Variants in GRIN2D observed in about 807,000 individuals in gnomAD.
GRIN2D encodes the protein glutamate receptor ionotropic, NMDA 2D.
GRIN2D carries 37 observed loss-of-function variants against 103.2 expected under a neutral mutation model. The observed-to-expected ratio is 0.36, with a 90% CI of 0.28 to 0.47. GRIN2D has a LOEUF of 0.47. Ranked by LOEUF, GRIN2D falls within the 20% of genes least tolerant of loss-of-function variation. The probability of loss-of-function intolerance (pLI) is 1.00; values close to 1 mark genes in which losing one functional copy is unlikely to be tolerated. For missense variants in GRIN2D, 1,557 were observed against 1,910.6 expected (o/e 0.81, Z 3.45); for synonymous variants, 845 against 885.6 (o/e 0.95, Z 0.81).
intron 4 of GRIN2D, among the ~76,000 whole-genome samples, chr19:48,411,267 G>A (rs1970855474): frequency 6.6e-6 from 1 of 151,862 alleles, no homozygotes; most frequent in Non-Finnish European, 1.5e-5. Flanking sequence ...AGAGGTTGCA[G>A]TGAGCCAAGA....
At position 48,414,095 on chromosome 19, in the gene GRIN2D, C is replaced by G; in HGVS notation, c.1190C>G (p.Thr397Arg). ...GTCATCTCCCTCACCAGAGACAGGA[C>G]GTGGGAGGTGGTGAGTCGTAGCCCC... is the stretch of plus-strand genomic sequence containing the variant. Reference protein sequence around the residue: ...LVVISLTRDRTWEVVGSWEQQ... With the variant: ...LVVISLTRDRRWEVVGSWEQQ... Residue 397 changes from threonine to arginine, a missense_variant, in exon 5 of 14, where the codon ACG becomes AGG. Thr to Arg is a moderately conservative substitution (Grantham distance 71, BLOSUM62 -1). Around this residue, in one of 7 missense-constraint regions of GRIN2D, gnomAD observed 490 missense variants for 601.1 expected, o/e 0.82. Coordinates refer to ENST00000263269, the MANE Select transcript of GRIN2D (RefSeq NM_000836.4). The surrounding 1 kb of genome is among the most constrained non-coding windows in gnomAD (Gnocchi z 4.6). 1 of 1,592,280 alleles carries G rather than the reference C, an allele frequency of 6.3e-7. No individual in the cohort carries two copies. Among genetic ancestry groups the G allele is most frequent in the South Asian group, 1.1e-5 (1 of 90,612 alleles).
In GRIN2D at chr19:48,402,166, A is replaced by AATAAAGAAAGAAAGAAAGAGAG. The variant is rs1555891786; in HGVS notation, c.466-2567_466-2566insTAAAGAAAGAAAGAAAGAGAGA. 2.6e-4 allele frequency among the ~76,000 whole-genome samples: 21 copies of AATAAAGAAAGAAAGAAAGAGAG among 80,086 alleles called. 1 individual carries two copies. The highest frequency in any genetic ancestry group is 9.0e-4 in the African/African-American group (20 of 22,316). The allele number at this position is 80,086 out of a possible 152,430, so 52.5% of individuals were successfully genotyped here. A position where few individuals can be genotyped will look rare whatever the true frequency, so the allele number is the denominator to read the frequency against. ...AAAGAAAGAAAGAAAGAAAGAAAGA[A>AATAAAGAAAGAAAGAAAGAGAG]AGAGAGAAAAGAAAACAGAGATGGG... On this transcript the variant is annotated intron_variant, in intron 3 of 13. Coordinates refer to ENST00000263269, the MANE Select transcript of GRIN2D (RefSeq NM_000836.4).
chr19:48,398,656 G>A lies in GRIN2D; in HGVS notation c.264G>A (p.Ala88=), dbSNP rs1478143173. 2.8e-6 allele frequency: 4 copies of A among 1,442,060 alleles called. No individual in the cohort carries two copies. The highest frequency in any genetic ancestry group is 3.6e-6 in the Non-Finnish European group (4 of 1,098,934). 89.3% of individuals were successfully genotyped at this position (1,442,060 alleles called of 1,614,324 possible). The change falls in exon 3 of 14, where the codon GCG becomes GCA. Residue 88 remains alanine, a synonymous_variant. Transcript: ENST00000263269. ...RSPGLDVRPV[A]LVLNGSDPRS... ...CGGGCCTAGACGTGCGGCCCGTGGC[G>A]CTGGTGCTCAACGGCTCGGACCCGC...
At chr19:48,422,409 G>A (rs1012010083) in intron 11 of GRIN2D, among the ~76,000 whole-genome samples, 2 of 152,004 alleles carry the variant, frequency 1.3e-5, no homozygotes, top group African/African-American at 4.8e-5. Context: ...TCAGGAGATC[G>A]AGACCATCCT....
chr19:48,405,908 G>A lies in GRIN2D; in HGVS notation c.1085+555G>A, dbSNP rs1237035245. ...CATCTCTGCATGGTCGAAGTGGGTC[G>A]TGGGGATGTCTGAATTGTAGCTCAT... On this transcript the variant is annotated intron_variant, in intron 4 of 13. Transcript: ENST00000263269. This position sits in a 1 kb window ranked among gnomAD's most constrained non-coding sequence, Gnocchi z 5.1. 1.3e-5 allele frequency among the ~76,000 whole-genome samples: 2 copies of A among 152,168 alleles called. No homozygotes were observed. Among genetic ancestry groups the A allele is most frequent in the East Asian group, 1.9e-4 (1 of 5,204 alleles).
At chr19:48,404,698 A>G (rs1414494963) in intron 3 of GRIN2D, 36 bp from the exon 4 acceptor site, 3 of 1,546,348 alleles carry the variant, frequency 1.9e-6, no homozygotes, top group East Asian at 2.3e-5. Flanking sequence ...AGGTCCCCAC[A>G]TCGGCAGGCC....
chr19:48,396,777 C>T (rs921633649), intron 2 of GRIN2D, among the ~76,000 whole-genome samples: 11 of 151,966 alleles, frequency 7.2e-5, no homozygotes, highest in Admixed American at 2.0e-4. Context: ...ACCTTTCCCC[C>T]GCCCTGGCTG....
At chr19:48,441,409 C>G (rs1452749698) in intron 11 of GRIN2D, among the ~76,000 whole-genome samples, 1 of 150,736 alleles carries the variant, frequency 6.6e-6, no homozygotes, top group Non-Finnish European at 1.5e-5. Flanking sequence ...ACAGTTAACA[C>G]TTCTCCAGCA....
In GRIN2D at chr19:48,443,485, G is replaced by A. The variant is rs1971334831; in HGVS notation, c.3559G>A (p.Glu1187Lys). 7.3e-7 allele frequency: 1 copy of A among 1,364,858 alleles called. No homozygotes were observed. Among genetic ancestry groups the A allele is most frequent in the Non-Finnish European group, 9.4e-7 (1 of 1,060,104 alleles). The allele number at this position is 1,364,858 out of a possible 1,614,324, so 84.5% of individuals were successfully genotyped here. Residue 1187 changes from glutamate (E) to lysine (K), a missense_variant, in exon 14 of 14, where the codon GAG (glutamate) becomes AAG (lysine). Around this residue, in one of 7 missense-constraint regions of GRIN2D, gnomAD observed 632 missense variants for 572.8 expected, o/e 1.10. Transcript: ENST00000263269. This position sits in a 1 kb window ranked among gnomAD's most constrained non-coding sequence, Gnocchi z 8.9. The stretch of plus-strand genomic sequence containing the variant: ...GCACTGTCGGCACTGCGCCAGCCTG[G>A]AGCTGCTGCCGCCGCCGCGCCATCT... ...AWHCRHCASL[E>K]LLPPPRHLSC...
chr19:48,441,691 C>A, intron 11 of GRIN2D, 78 bp from the exon 12 acceptor site: 3 of 1,176,090 alleles, frequency 2.6e-6, no homozygotes, highest in Non-Finnish European at 3.6e-6. Flanking sequence ...TTGGAGGTTA[C>A]AGGTGAGGAG....
chr19:48,402,430 A>C (rs2147438955), intron 3 of GRIN2D, among the ~76,000 whole-genome samples: 1 of 151,944 alleles, frequency 6.6e-6, no homozygotes, highest in Admixed American at 6.6e-5. Context: ...AAGATTCTTT[A>C]CTCCTGGCCG....
At chr19:48,422,713 A>G (rs769925377) in intron 11 of GRIN2D, among the ~76,000 whole-genome samples, 30 of 152,152 alleles carry the variant, frequency 2.0e-4, no homozygotes, top group South Asian at 6.2e-4. Flanking sequence ...TATTATCATT[A>G]TCATTAGACC....
chr19:48,419,526 T>C, intron 9 of GRIN2D, 59 bp from the exon 10 acceptor site: 1 of 1,433,048 alleles, frequency 7.0e-7, no homozygotes. Context: ...TTTTTTTTTT[T>C]TTCCCTTCCT....
chr19:48,438,341 C>T (rs950138481), intron 11 of GRIN2D, among the ~76,000 whole-genome samples: 6 of 127,924 alleles, frequency 4.7e-5, no homozygotes, highest in Admixed American at 9.8e-5. Context: ...CTCTGTCGCC[C>T]AGGCTGGAGT....
At chr19:48,424,955 C>G (rs1186753647) in intron 11 of GRIN2D, among the ~76,000 whole-genome samples, 1 of 152,094 alleles carries the variant, frequency 6.6e-6, no homozygotes, top group Non-Finnish European at 1.5e-5. Flanking sequence ...CCCCCTTCCC[C>G]CTTCTTCCGT....
intron 8 of GRIN2D, among the ~76,000 whole-genome samples, chr19:48,418,217 G>C (rs897848528): frequency 6.6e-6 from 1 of 151,714 alleles, no homozygotes; most frequent in Non-Finnish European, 1.5e-5. Flanking sequence ...ATTTTTAGTA[G>C]AGATGGGGTT....
intron 11 of GRIN2D, among the ~76,000 whole-genome samples, chr19:48,424,653 C>T (rs1270749519): frequency 6.6e-6 from 1 of 152,046 alleles, no homozygotes; most frequent in Admixed American, 6.6e-5. Flanking sequence ...ATGGGTGAGA[C>T]CGTTTACATA....
chr19:48,397,860 C>A (rs1014818180), intron 2 of GRIN2D, among the ~76,000 whole-genome samples: 9 of 151,884 alleles, frequency 5.9e-5, no homozygotes, highest in Non-Finnish European at 1.2e-4. Flanking sequence ...TCCCCTCTTA[C>A]CTCTGTATCT....
Position 48,442,552 on chromosome 19 carries a change from C to T in GRIN2D, c.2674-48C>T, listed in dbSNP as rs1971310496. On this transcript the variant is annotated intron_variant, in intron 13 of 13. Transcript: ENST00000263269. The surrounding 1 kb of genome is among the most constrained non-coding windows in gnomAD (Gnocchi z 7.2). Reference sequence around the variant, plus strand: ...GAGGGACTGAGGGGAGGCGGGCAGGCGTCCTGGGCATCTCGCGCTGACCCC... The same window carrying T: ...GAGGGACTGAGGGGAGGCGGGCAGGTGTCCTGGGCATCTCGCGCTGACCCC... The T allele has an allele frequency of 6.1e-6, 9 of 1,473,976 alleles. No individual in the cohort carries two copies. The highest frequency in any genetic ancestry group is 8.1e-6 in the Non-Finnish European group (9 of 1,117,766). 91.3% of individuals were successfully genotyped at this position (1,473,976 alleles called of 1,614,324 possible).
Sources: gnomAD v4.1 joint callset for allele counts (sites outside exome capture counted in the v4.1 genomes callset) on GRCh38, gnomAD v4.1.1 for gene constraint, gnomAD v4.1.1 regional missense constraint, Gnocchi (gnomAD v3.1) non-coding constraint, MANE v1.5 for transcripts, NCBI Gene and HGNC (gene_info 2026-07-23, HGNC 2026-07-21) for gene names.